The following CAMSAP2 variants were observed in gnomAD, a reference collection of about 807,000 sequenced individuals.
CAMSAP2 encodes the protein calmodulin regulated spectrin associated protein family member 2.
Under a neutral mutation model 146.1 loss-of-function variants are expected in CAMSAP2, and 26 were observed. The ratio of observed to expected loss-of-function variants is 0.18; its 90% CI spans 0.13 to 0.25. CAMSAP2 has a LOEUF of 0.25. Ranked by LOEUF, CAMSAP2 falls within the 10% of genes least tolerant of loss-of-function variation. CAMSAP2 has a pLI of 1.00. For synonymous variants in CAMSAP2, 499 were observed against 596.6 expected (o/e 0.84, Z 2.38); for missense variants, 1,381 against 1,759.3 (o/e 0.78, Z 3.85).
intron 2 of CAMSAP2, among the ~76,000 whole-genome samples, chr1:200,763,435 A>T (rs549261000): frequency 5.5e-4 from 83 of 152,108 alleles, no homozygotes; most frequent in Non-Finnish European, 9.3e-4. Context: ...GTTACTCGGG[A>T]GGCTGAGGCA....
intron 2 of CAMSAP2, among the ~76,000 whole-genome samples, chr1:200,804,860 T>C (rs1666131781): frequency 6.6e-6 from 1 of 152,226 alleles, no homozygotes; most frequent in South Asian, 2.1e-4. Context: ...GCATATTATG[T>C]TTGTCATTTC....
intron 4 of CAMSAP2, among the ~76,000 whole-genome samples, chr1:200,822,333 C>A (rs1395726282): frequency 6.6e-6 from 1 of 152,096 alleles, no homozygotes; most frequent in Non-Finnish European, 1.5e-5. Context: ...TTTATGTTCC[C>A]ATTTTATCAT....
chr1:200,811,850 A>G (rs1417677116), intron 3 of CAMSAP2, among the ~76,000 whole-genome samples: 1 of 152,164 alleles, frequency 6.6e-6, no homozygotes, highest in Non-Finnish European at 1.5e-5. Flanking sequence ...TTGTAGGCTC[A>G]TGGCCACTGT....
intron 1 of CAMSAP2, among the ~76,000 whole-genome samples, chr1:200,752,783 A>C (rs1664545706): frequency 6.6e-6 from 1 of 151,738 alleles, no homozygotes; most frequent in Admixed American, 6.6e-5. Flanking sequence ...CGCACGGCTA[A>C]TTTTTTGTAT....
intron 4 of CAMSAP2, among the ~76,000 whole-genome samples, chr1:200,816,899 CACACACACGCGTGTGTATGTGTG>C (rs1666551624): frequency 4.5e-5 from 2 of 44,922 alleles, no homozygotes; most frequent in African/African-American, 2.1e-4. Context: ...TATGTGTGTA[CACACACACGCGTGTGTATGTGTG>C]TACACACACA....
At chr1:200,766,261 A>T (rs1664948268) in intron 2 of CAMSAP2, among the ~76,000 whole-genome samples, 1 of 150,994 alleles carries the variant, frequency 6.6e-6, no homozygotes, top group Admixed American at 6.6e-5. Context: ...CTCCCACCTC[A>T]GCCTCCTGGG....
At chr1:200,824,256 C>G (rs1389687897) in intron 4 of CAMSAP2, among the ~76,000 whole-genome samples, 2 of 150,062 alleles carry the variant, frequency 1.3e-5, no homozygotes, top group Non-Finnish European at 3.0e-5. Context: ...TTTTGCCCCT[C>G]CTTATTTAAT....
In CAMSAP2 at chr1:200,859,425, T is replaced by C. The variant is rs987363218; in HGVS notation, c.*1366T>C. The C allele has an allele frequency of 6.6e-6, 1 of 152,658 alleles. No homozygotes were observed. The highest frequency in any genetic ancestry group is 2.4e-5 in the African/African-American group (1 of 41,460). 9.5% of individuals were successfully genotyped at this position (152,658 alleles called of 1,614,324 possible). A position where few individuals can be genotyped will look rare whatever the true frequency, so the allele number is the denominator to read the frequency against. ...GAACTAATGTCTCATATGATGTATT[T>C]ACTTATTTTAAAAAAAAGAATAGGA... On this transcript the variant is annotated 3_prime_UTR_variant, in exon 17 of 17. Transcript: ENST00000358823.
chr1:200,814,963 C>CT lies in CAMSAP2; in HGVS notation c.562-586dup, dbSNP rs551666351. On this transcript the variant is annotated intron_variant, in intron 3 of 16. Transcript: ENST00000358823. ...AGAAATAATTTATGCACCATGTAGA[C>CT]TTTTTTTTTTTTAAACTGTTTTTGG... 1.9e-3 allele frequency among the ~76,000 whole-genome samples: 272 copies of CT among 145,412 alleles called. 1 individual carries two copies. Among genetic ancestry groups the CT allele is most frequent in the African/African-American group, 5.6e-3 (223 of 39,946 alleles).
chr1:200,858,868 A>T lies in CAMSAP2; in HGVS notation c.*809A>T, dbSNP rs962930848. ...ATTTAGATTGTTCTTTTAACAAAAA[A>T]GGCTTTCTATCTCTTTTAAAGTAAG... On this transcript the variant is annotated 3_prime_UTR_variant, in exon 17 of 17. Coordinates refer to ENST00000358823, the MANE Select transcript of CAMSAP2 (RefSeq NM_203459.4). The T allele has an allele frequency of 6.6e-6, 1 of 152,514 alleles. No individual in the cohort carries two copies. The highest frequency in any genetic ancestry group is 1.9e-4 in the East Asian group (1 of 5,340). The allele number at this position is 152,514 out of a possible 1,614,324, so 9.4% of individuals were successfully genotyped here. A position where few individuals can be genotyped will look rare whatever the true frequency, so the allele number is the denominator to read the frequency against.
At chr1:200,820,061 A>ATTT (rs1558193670) in intron 4 of CAMSAP2, among the ~76,000 whole-genome samples, 9 of 150,922 alleles carry the variant, frequency 6.0e-5, no homozygotes, top group African/African-American at 2.2e-4. Flanking sequence ...TTTCTCAAAA[A>ATTT]ATTTTTTTTT....
At chr1:200,757,630 T>TA (rs1179445601) in intron 1 of CAMSAP2, among the ~76,000 whole-genome samples, 2 of 152,014 alleles carry the variant, frequency 1.3e-5, no homozygotes, top group Non-Finnish European at 2.9e-5. Context: ...TTCCAAACTT[T>TA]AAAAAAAATA....
In CAMSAP2 at chr1:200,857,990, C is replaced by T; in HGVS notation, c.4368C>T (p.Thr1456=). ...TATCTGCCAGTGTTGATGCAATTAC[C>T]ATTCATAGCCATTTATGGCAGACCA... ...KTLSASVDAI[T]IHSHLWQTKR... Residue 1456 remains threonine (T), a synonymous_variant, in exon 17 of 17, where the codon ACC becomes ACT. Coordinates refer to ENST00000358823, the MANE Select transcript of CAMSAP2 (RefSeq NM_203459.4). The surrounding 1 kb of genome is among the most constrained non-coding windows in gnomAD (Gnocchi z 4.7). 2 of 1,613,470 alleles carry T rather than the reference C, an allele frequency of 1.2e-6. No individual in the cohort carries two copies. The highest frequency in any genetic ancestry group is 1.7e-6 in the Non-Finnish European group (2 of 1,179,686).
chr1:200,836,200 G>A (rs146069286), intron 6 of CAMSAP2, among the ~76,000 whole-genome samples: 9 of 151,780 alleles, frequency 5.9e-5, no homozygotes, highest in African/African-American at 1.5e-4. Context: ...TTTTTATTTC[G>A]TCACCCAGGT....
At chr1:200,822,506 G>C (rs1250964455) in intron 4 of CAMSAP2, among the ~76,000 whole-genome samples, 1 of 152,128 alleles carries the variant, frequency 6.6e-6, no homozygotes, top group Non-Finnish European at 1.5e-5. Context: ...GATGAAGGTT[G>C]TGCTTTTCAG....
intron 4 of CAMSAP2, among the ~76,000 whole-genome samples, chr1:200,829,975 AAGG>A (rs1006681427): frequency 1.3e-5 from 2 of 152,136 alleles, no homozygotes; most frequent in African/African-American, 4.8e-5. Context: ...CAACAAAAAA[AAGG>A]AGAAGAAAAT....
chr1:200,752,582 A>G (rs1202538339), intron 1 of CAMSAP2, among the ~76,000 whole-genome samples: 1 of 150,846 alleles, frequency 6.6e-6, no homozygotes, highest in Admixed American at 6.6e-5. Context: ...TTATTTCCCA[A>G]TTCAGGATCA....
chr1:200,847,804 C>A, intron 10 of CAMSAP2, 95 bp downstream of exon 10: 1 of 1,142,146 alleles, frequency 8.8e-7, no homozygotes, highest in Non-Finnish European at 1.3e-6. Flanking sequence ...ATTGCTAAAA[C>A]TTTTAATTAG....
intron 2 of CAMSAP2, among the ~76,000 whole-genome samples, chr1:200,792,581 G>A (rs1405256622): frequency 6.6e-6 from 1 of 152,120 alleles, no homozygotes; most frequent in Non-Finnish European, 1.5e-5. Context: ...GGAGGAGGAG[G>A]TTGCAGTGAG....
Sources: gnomAD v4.1 joint callset for allele counts (sites outside exome capture counted in the v4.1 genomes callset) on GRCh38, gnomAD v4.1.1 for gene constraint, Gnocchi (gnomAD v3.1) non-coding constraint, MANE v1.5 for transcripts, NCBI Gene and HGNC (gene_info 2026-07-23, HGNC 2026-07-21) for gene names.